The following SLC2A13 variants were observed in gnomAD, a reference collection of about 807,000 sequenced individuals.
SLC2A13 encodes solute carrier family 2 member 13, also known as proton myo-inositol cotransporter.
A neutral mutation model predicts 64.4 loss-of-function variants in SLC2A13; 32 were observed. That is an observed-to-expected ratio of 0.50 (90% confidence interval 0.37 to 0.67). The LOEUF is 0.67. Ranked by LOEUF, SLC2A13 falls within the 30% of genes least tolerant of loss-of-function variation. SLC2A13 has a pLI of 0.00. For synonymous variants in SLC2A13, 338 were observed against 327.1 expected (o/e 1.03, Z -0.36); for missense variants, 743 against 829.2 (o/e 0.90, Z 1.28).
At chr12:40,076,944 G>C (rs941618207) in intron 1 of SLC2A13, among the ~76,000 whole-genome samples, 1 of 151,848 alleles carries the variant, frequency 6.6e-6, no homozygotes. Context: ...TATTCTTGTT[G>C]GCTGTGTGTG....
At chr12:40,074,746 G>C (rs969853459) in intron 1 of SLC2A13, among the ~76,000 whole-genome samples, 4 of 152,016 alleles carry the variant, frequency 2.6e-5, no homozygotes, top group Non-Finnish European at 5.9e-5. Context: ...TTGATAGCCA[G>C]ACATGACACA....
chr12:39,939,494 CA>C, intron 4 of SLC2A13, among the ~76,000 whole-genome samples: 1 of 152,142 alleles, frequency 6.6e-6, no homozygotes, highest in East Asian at 1.9e-4. Flanking sequence ...GCTGAGAAGC[CA>C]GTGGAGTTCA....
chr12:40,029,384 G>A (rs1207126230), intron 2 of SLC2A13, among the ~76,000 whole-genome samples: 1 of 152,098 alleles, frequency 6.6e-6, no homozygotes, highest in African/African-American at 2.4e-5. Context: ...ATGCATCTAC[G>A]ATACCTGAAT....
chr12:40,068,681 T>G (rs575019643), intron 1 of SLC2A13: 1 of 152,292 alleles, frequency 6.6e-6, no homozygotes, highest in Non-Finnish European at 1.5e-5. Flanking sequence ...ATTCTTATCA[T>G]GGTGCACAAA....
intron 4 of SLC2A13, among the ~76,000 whole-genome samples, chr12:39,917,132 C>T (rs1167012639): frequency 2.0e-5 from 3 of 152,048 alleles, no homozygotes; most frequent in Admixed American, 2.0e-4. Context: ...TATGTGCAAA[C>T]AAATCTAAAA....
chr12:40,022,245 C>T (rs1947732405), intron 3 of SLC2A13, among the ~76,000 whole-genome samples: 1 of 152,196 alleles, frequency 6.6e-6, no homozygotes, highest in Non-Finnish European at 1.5e-5. Flanking sequence ...TTCCTAAACT[C>T]ATTTGTTGAT....
chr12:39,973,363 A>G (rs1024657342), intron 3 of SLC2A13, among the ~76,000 whole-genome samples: 2 of 152,148 alleles, frequency 1.3e-5, no homozygotes, highest in Admixed American at 1.3e-4. Context: ...GCCTCTGTTC[A>G]GTCTCTTTTT....
intron 4 of SLC2A13, among the ~76,000 whole-genome samples, chr12:39,914,337 T>C (rs906795454): frequency 6.6e-6 from 1 of 152,074 alleles, no homozygotes; most frequent in Non-Finnish European, 1.5e-5. Context: ...GTATGAAATT[T>C]ACCCTCTTAC....
intron 7 of SLC2A13, among the ~76,000 whole-genome samples, chr12:39,828,985 T>C (rs1360459902): frequency 6.6e-6 from 1 of 152,180 alleles, no homozygotes; most frequent in African/African-American, 2.4e-5. Context: ...AGTTCTCTAA[T>C]GAAACAATTA....
intron 7 of SLC2A13, among the ~76,000 whole-genome samples, chr12:39,811,178 A>C (rs1336161673): frequency 6.6e-6 from 1 of 152,080 alleles, no homozygotes; most frequent in Admixed American, 6.5e-5. Flanking sequence ...TAATTATAAT[A>C]ATAGAAAGTT....
At chr12:40,085,871 C>T (rs988434228) in intron 1 of SLC2A13, among the ~76,000 whole-genome samples, 3 of 152,052 alleles carry the variant, frequency 2.0e-5, no homozygotes, top group Non-Finnish European at 2.9e-5. Context: ...CCTTCTGCTA[C>T]TCCCATCTTC....
At chr12:39,857,083 G>A (rs1486524309) in intron 6 of SLC2A13, among the ~76,000 whole-genome samples, 1 of 152,178 alleles carries the variant, frequency 6.6e-6, no homozygotes, top group Non-Finnish European at 1.5e-5. Context: ...GCAATGAAGA[G>A]TTCTAGAATA....
rs1276562103 is a variant in SLC2A13, at chr12:39,758,211, G to A, written c.*1815C>T. On this transcript the variant is annotated 3_prime_UTR_variant, in exon 10 of 10. Transcript: ENST00000280871. ...TTTTTATTATATGAAATGACCAAAG[G>A]GAGAAAACGTTTTTGTTTTTGGTTA... 6.6e-6 allele frequency: 1 copy of A among 151,480 alleles called. No individual in the cohort carries two copies. Among genetic ancestry groups the A allele is most frequent in the African/African-American group, 2.4e-5 (1 of 41,314 alleles). 9.4% of individuals were successfully genotyped at this position (151,480 alleles called of 1,614,324 possible). A position where few individuals can be genotyped will look rare whatever the true frequency, so the allele number is the denominator to read the frequency against.
intron 1 of SLC2A13, among the ~76,000 whole-genome samples, chr12:40,082,225 G>C (rs11175103): frequency 0.07 from 10,692 of 152,276 alleles, 698 homozygotes; most frequent in East Asian, 0.38. Flanking sequence ...GAGCAATCCT[G>C]TGACTCAACC....
intron 7 of SLC2A13, among the ~76,000 whole-genome samples, chr12:39,822,434 C>T (rs1298268002): frequency 6.6e-6 from 1 of 152,146 alleles, no homozygotes; most frequent in Non-Finnish European, 1.5e-5. Context: ...GGCTCTTTAA[C>T]CATCTGATCT....
At chr12:39,807,224 G>A (rs575024733) in intron 7 of SLC2A13, among the ~76,000 whole-genome samples, 1 of 152,336 alleles carries the variant, frequency 6.6e-6, no homozygotes, top group East Asian at 1.9e-4. Flanking sequence ...GGGGAGTGGA[G>A]TGTGCTTACA....
At chr12:39,992,876 C>G (rs1446088739) in intron 3 of SLC2A13, among the ~76,000 whole-genome samples, 1 of 152,196 alleles carries the variant, frequency 6.6e-6, no homozygotes, top group Non-Finnish European at 1.5e-5. Context: ...TTTTCTCACA[C>G]AGAAAAACTG....
chr12:39,988,467 T>A (rs1472604162), intron 3 of SLC2A13, among the ~76,000 whole-genome samples: 1 of 149,330 alleles, frequency 6.7e-6, no homozygotes, highest in East Asian at 1.9e-4. Context: ...CCTGTTTTTA[T>A]ATTTAAAAAA....
intron 3 of SLC2A13, among the ~76,000 whole-genome samples, chr12:39,979,336 G>T (rs1436419580): frequency 1.3e-5 from 2 of 149,262 alleles, no homozygotes; most frequent in East Asian, 3.9e-4. Context: ...TGATTTTGAT[G>T]AGCTGAGAGA....
Sources: allele counts gnomAD v4.1 joint callset (sites outside exome capture counted in the v4.1 genomes callset), GRCh38; gene constraint gnomAD v4.1.1; transcripts MANE v1.5; gene names NCBI Gene and HGNC (gene_info 2026-07-23, HGNC 2026-07-21).